FBXL17: variants seen among roughly 807,000 people sequenced by gnomAD.
FBXL17 encodes F-box/LRR-repeat protein 17.
In FBXL17, 22 loss-of-function variants were observed where a neutral mutation model predicts 66.2. That is an observed-to-expected ratio of 0.33 (90% CI 0.24 to 0.47). FBXL17 has a LOEUF of 0.47. Ranked by LOEUF, FBXL17 falls within the 20% of genes least tolerant of loss-of-function variation. FBXL17 has a pLI of 1.00. For missense variants in FBXL17, 878 were observed against 948.2 expected, an observed-to-expected ratio of 0.93 and a Z score of 0.97; for synonymous variants, 474 against 400.5, an observed-to-expected ratio of 1.18 and a Z score of -2.19.
In FBXL17 at chr5:108,381,989, G is replaced by T; in HGVS notation, c.-298C>A. On this transcript the variant is annotated 5_prime_UTR_variant, in exon 1 of 9. Coordinates refer to ENST00000542267, the MANE Select transcript of FBXL17 (RefSeq NM_001163315.3). Reference sequence around the variant, plus strand: ...AGCCTGCCGGCTAGGCGACCAGTCCGGGCCCGGCCAGCCGGCTCAGTCAGT... The same window carrying T: ...AGCCTGCCGGCTAGGCGACCAGTCCTGGCCCGGCCAGCCGGCTCAGTCAGT... 8.5e-7 allele frequency: 1 copy of T among 1,182,894 alleles called. No individual in the cohort carries two copies. Among genetic ancestry groups the T allele is most frequent in the Non-Finnish European group, 1.0e-6 (1 of 954,518 alleles). The allele number at this position is 1,182,894 out of a possible 1,614,324, so 73.3% of individuals were successfully genotyped here. A position where few individuals can be genotyped will look rare whatever the true frequency, so the allele number is the denominator to read the frequency against.
chr5:108,030,939 A>G (rs1746598003), intron 6 of FBXL17, among the ~76,000 whole-genome samples: 1 of 152,022 alleles, frequency 6.6e-6, no homozygotes. Context: ...TTAGAGCATA[A>G]ATTCATTTTT....
intron 4 of FBXL17, among the ~76,000 whole-genome samples, chr5:108,303,122 C>A (rs1232752011): frequency 6.6e-6 from 1 of 151,706 alleles, no homozygotes; most frequent in African/African-American, 2.4e-5. Flanking sequence ...TCAAAAAAAT[C>A]ATAAGACTTG....
chr5:108,183,864 G>A (rs948448109), intron 6 of FBXL17, among the ~76,000 whole-genome samples: 4 of 152,040 alleles, frequency 2.6e-5, no homozygotes, highest in Non-Finnish European at 5.9e-5. Context: ...ATGACCTCCA[G>A]TTCCATTTTC....
intron 6 of FBXL17, among the ~76,000 whole-genome samples, chr5:108,106,768 G>A (rs1749812787): frequency 6.6e-6 from 1 of 152,176 alleles, no homozygotes; most frequent in African/African-American, 2.4e-5. Flanking sequence ...CAGGAGTGAT[G>A]CTATGGGTTA....
In FBXL17 at chr5:107,871,069, A is replaced by AAAAAAAAACAAAAC. The variant is rs1554080848; in HGVS notation, c.1966-9210_1966-9209insGTTTTGTTTTTTTT. On this transcript the variant is annotated intron_variant, in intron 8 of 8. Transcript: ENST00000542267. ...TACTCTTGGGCGGCAAAAAAAAAAA[A>AAAAAAAAACAAAAC]AAAAAAAAAACCTCATCTAAAAATC... Among the ~76,000 whole-genome samples, 569 of 130,150 alleles carry AAAAAAAAACAAAAC rather than the reference A, an allele frequency of 4.4e-3. 14 individuals are homozygous for AAAAAAAAACAAAAC. The highest frequency in any genetic ancestry group is 0.016 in the African/African-American group (508 of 31,066). 85.4% of individuals were successfully genotyped at this position (130,150 alleles called of 152,430 possible). A position where few individuals can be genotyped will look rare whatever the true frequency, so the allele number is the denominator to read the frequency against.
intron 6 of FBXL17, among the ~76,000 whole-genome samples, chr5:108,185,609 A>C (rs1247082382): frequency 6.6e-6 from 1 of 152,124 alleles, no homozygotes; most frequent in Non-Finnish European, 1.5e-5. Flanking sequence ...CTGTAGTCCC[A>C]GCTGCTTGGG....
intron 6 of FBXL17, among the ~76,000 whole-genome samples, chr5:108,185,078 A>G (rs1450680666): frequency 1.3e-5 from 2 of 152,176 alleles, no homozygotes; most frequent in South Asian, 4.1e-4. Context: ...CAATATTTCA[A>G]AGAAAAATGG....
chr5:107,887,705 C>G (rs145310182), intron 7 of FBXL17, among the ~76,000 whole-genome samples: 109 of 152,264 alleles, frequency 7.2e-4, no homozygotes, highest in African/African-American at 2.6e-3. Flanking sequence ...CTCCCTCCAC[C>G]CCGCAGGGAC....
chr5:107,934,406 T>A (rs1486891112), intron 7 of FBXL17, among the ~76,000 whole-genome samples: 1 of 152,180 alleles, frequency 6.6e-6, no homozygotes, highest in African/African-American at 2.4e-5. Context: ...TAAGCAGACA[T>A]GATATTCTGA....
intron 4 of FBXL17, among the ~76,000 whole-genome samples, chr5:108,282,454 T>C (rs1757738554): frequency 6.6e-6 from 1 of 151,766 alleles, no homozygotes; most frequent in Non-Finnish European, 1.5e-5. Context: ...AAGCATTTGA[T>C]AAAATTAAGC....
intron 5 of FBXL17, among the ~76,000 whole-genome samples, chr5:108,215,510 A>T (rs1754559963): frequency 6.6e-6 from 1 of 152,206 alleles, no homozygotes; most frequent in South Asian, 2.1e-4. Flanking sequence ...GCAGCCAAGT[A>T]TATCTTCTCT....
chr5:108,033,482 T>C (rs1376819356), intron 6 of FBXL17, among the ~76,000 whole-genome samples: 1 of 152,048 alleles, frequency 6.6e-6, no homozygotes, highest in Non-Finnish European at 1.5e-5. Context: ...CACCACCGAG[T>C]TCCTTCATGC....
chr5:108,230,532 G>T (rs1561477685), intron 4 of FBXL17, among the ~76,000 whole-genome samples: 1 of 152,102 alleles, frequency 6.6e-6, no homozygotes, highest in Non-Finnish European at 1.5e-5. Flanking sequence ...AGGATGCAAA[G>T]GCATAAGAAC....
intron 4 of FBXL17, among the ~76,000 whole-genome samples, chr5:108,327,709 G>A (rs2150231032): frequency 6.6e-6 from 1 of 152,144 alleles, no homozygotes; most frequent in Non-Finnish European, 1.5e-5. Flanking sequence ...AATACATAAA[G>A]CAACCATTGG....
intron 7 of FBXL17, among the ~76,000 whole-genome samples, chr5:107,902,388 A>G (rs1465001659): frequency 6.6e-6 from 1 of 152,206 alleles, no homozygotes; most frequent in Non-Finnish European, 1.5e-5. Context: ...TATCCAATAC[A>G]TCATCACAGC....
intron 6 of FBXL17, among the ~76,000 whole-genome samples, chr5:108,168,195 T>C (rs1752480755): frequency 6.6e-6 from 1 of 152,194 alleles, no homozygotes; most frequent in Admixed American, 6.5e-5. Context: ...AGTTGTTGAT[T>C]TTCCCACTTT....
At chr5:107,874,554 A>C (rs1405294867) in intron 8 of FBXL17, among the ~76,000 whole-genome samples, 1 of 152,152 alleles carries the variant, frequency 6.6e-6, no homozygotes. Context: ...GAGACAGTAA[A>C]ATGATGGAGG....
intron 7 of FBXL17, among the ~76,000 whole-genome samples, chr5:107,939,041 G>A (rs889341492): frequency 1.3e-5 from 2 of 152,016 alleles, no homozygotes; most frequent in East Asian, 1.9e-4. Context: ...GAATTTTAGC[G>A]CATCGTCCAA....
intron 6 of FBXL17, among the ~76,000 whole-genome samples, chr5:108,107,449 C>T (rs1218453808): frequency 6.6e-6 from 1 of 152,152 alleles, no homozygotes; most frequent in Admixed American, 6.5e-5. Context: ...AAAGTGTCTA[C>T]ATGATCAGTC....
Sources: allele counts gnomAD v4.1 joint callset (sites outside exome capture counted in the v4.1 genomes callset), GRCh38; gene constraint gnomAD v4.1.1; transcripts MANE v1.5; gene names NCBI Gene and HGNC (gene_info 2026-07-23, HGNC 2026-07-21).